Variants in AMBRA1 observed in about 807,000 individuals in gnomAD.
AMBRA1 encodes the protein activating molecule in BECN1-regulated autophagy protein 1.
Under a neutral mutation model 125.4 loss-of-function variants are expected in AMBRA1, and 47 were observed. That is an observed-to-expected ratio of 0.37 (90% CI 0.30 to 0.48). The LOEUF (loss-of-function observed/expected upper bound fraction) is 0.48, where lower values mean the gene tolerates loss of function less well. AMBRA1 is among the 20% of genes least tolerant of loss of function. The pLI is 0.99. For synonymous variants in AMBRA1, 626 were observed against 655.5 expected, an observed-to-expected ratio of 0.95 and a Z score of 0.69; for missense variants, 1,331 against 1,693.4, an observed-to-expected ratio of 0.79 and a Z score of 3.76.
At chr11:46,408,981 CCT>C (rs1243453455) in intron 16 of AMBRA1, among the ~76,000 whole-genome samples, 15 of 152,234 alleles carry the variant, frequency 9.9e-5, no homozygotes, top group Non-Finnish European at 2.9e-5. Context: ...ACAACAGGCC[CCT>C]GTCGGGGAGT....
chr11:46,503,533 C>T (rs903134276), intron 9 of AMBRA1, among the ~76,000 whole-genome samples: 3 of 152,182 alleles, frequency 2.0e-5, no homozygotes, highest in Admixed American at 1.3e-4. Context: ...TGAGCACATG[C>T]TGTTGGAAAA....
chr11:46,570,261 CAAAAAAAA>C (rs200875374), intron 1 of AMBRA1, among the ~76,000 whole-genome samples: 1 of 14,260 alleles, frequency 7.0e-5, no homozygotes, highest in African/African-American at 2.9e-4. Context: ...GACCATGTCT[CAAAAAAAA>C]AAAAAAAAAA....
intron 9 of AMBRA1, among the ~76,000 whole-genome samples, chr11:46,502,340 G>C (rs1437106483): frequency 6.6e-6 from 1 of 152,152 alleles, no homozygotes; most frequent in Non-Finnish European, 1.5e-5. Flanking sequence ...AACCTATAAA[G>C]AGAGTAACTT....
chr11:46,434,842 C>T lies in AMBRA1; in HGVS notation c.2821+7G>A. The T allele has an allele frequency of 6.3e-7, 1 of 1,588,326 alleles. No homozygotes were observed. Among genetic ancestry groups the T allele is most frequent in the Non-Finnish European group, 8.6e-7 (1 of 1,167,694 alleles). Reference sequence around the variant, plus strand: ...TCTGTCATTAGGTTGGGCTTCCTATCCCTTACCAAATCGCTTGGTGTAGAG... The same window carrying T: ...TCTGTCATTAGGTTGGGCTTCCTATTCCTTACCAAATCGCTTGGTGTAGAG... On this transcript the variant is annotated splice_region_variant and intron_variant, in intron 13 of 17. Coordinates refer to ENST00000683756, the MANE Select transcript of AMBRA1 (RefSeq NM_001387011.1).
intron 1 of AMBRA1, among the ~76,000 whole-genome samples, chr11:46,588,605 G>T (rs140927539): frequency 6.6e-6 from 1 of 150,718 alleles, no homozygotes; most frequent in Non-Finnish European, 1.5e-5. Context: ...GTGAAAACCC[G>T]TCTCTACTAA....
chr11:46,535,634 G>C (rs1373231132), intron 7 of AMBRA1, among the ~76,000 whole-genome samples: 2 of 151,952 alleles, frequency 1.3e-5, no homozygotes, highest in East Asian at 3.9e-4. Flanking sequence ...TCTTTAAGGA[G>C]AAAAAAAATA....
intron 5 of AMBRA1, among the ~76,000 whole-genome samples, chr11:46,545,002 C>T (rs1952932626): frequency 1.3e-5 from 2 of 151,950 alleles, no homozygotes; most frequent in African/African-American, 4.8e-5. Flanking sequence ...CTGCACACAC[C>T]TGTAGTCCCA....
chr11:46,499,613 G>C (rs560174210), intron 9 of AMBRA1, among the ~76,000 whole-genome samples: 101 of 152,194 alleles, frequency 6.6e-4, no homozygotes, highest in African/African-American at 2.3e-3. Context: ...ACTTTTCTGA[G>C]ACTTTTCATT....
At chr11:46,478,648 C>CCT (rs1949924770) in intron 11 of AMBRA1, among the ~76,000 whole-genome samples, 1 of 82,156 alleles carries the variant, frequency 1.2e-5, no homozygotes, top group East Asian at 3.8e-4. Flanking sequence ...TCTTTTTTCT[C>CCT]TTTTTTTTTT....
chr11:46,416,702 T>A (rs1946561739), intron 15 of AMBRA1, among the ~76,000 whole-genome samples: 1 of 152,214 alleles, frequency 6.6e-6, no homozygotes, highest in Admixed American at 6.5e-5. Flanking sequence ...CACCACACTC[T>A]GTGATCTGCA....
rs1484534128 is a variant in AMBRA1 at position 46,506,954 on chromosome 11, A to G, written c.2339+1237T>C. Among the ~76,000 whole-genome samples the G allele has an allele frequency of 2.6e-5, 4 of 151,454 alleles. No homozygotes were observed. In the East Asian group the frequency reaches 7.8e-4, roughly 29 times the overall value. ...GCCAAGGCAGGCGGATCACAAGGTC[A>G]AGAGATGGAGACCATCCTGGCTAAC... On this transcript the variant is annotated intron_variant, in intron 9 of 17. Coordinates refer to ENST00000683756, the MANE Select transcript of AMBRA1 (RefSeq NM_001387011.1).
chr11:46,418,215 CTATTT>C (rs1420291585), intron 14 of AMBRA1, among the ~76,000 whole-genome samples, 163 bp from the exon 15 acceptor site: 2 of 142,304 alleles, frequency 1.4e-5, no homozygotes, highest in South Asian at 2.2e-4. Context: ...ATCTATCTAT[CTATTT>C]TATTATTTAT....
At chr11:46,516,748 C>G (rs962612893) in intron 7 of AMBRA1, among the ~76,000 whole-genome samples, 41 of 151,826 alleles carry the variant, frequency 2.7e-4, no homozygotes, top group African/African-American at 9.4e-4. Flanking sequence ...ATCTTTCTTT[C>G]CCAGTGTTAG....
At position 46,408,622 on chromosome 11, in the gene AMBRA1, T is replaced by C. The variant is rs779794287; in HGVS notation, c.3294A>G (p.Ser1098=). 6.2e-7 allele frequency: 1 copy of C among 1,609,510 alleles called. No individual in the cohort carries two copies. The highest frequency in any genetic ancestry group is 1.1e-5 in the South Asian group (1 of 90,708). ...GAGTCTGGGTGCCCTGAGATGTCAC[T>C]GAGGTGGCAGGGTTCCGGGGCTGAA... The part of the protein sequence containing the change: ...IGLQPRNPAT[S]VTSQGTQTLA... The change falls in exon 17 of 18, where the codon TCA becomes TCG. Residue 1098 remains serine, a synonymous_variant. Coordinates refer to ENST00000683756, the MANE Select transcript of AMBRA1 (RefSeq NM_001387011.1).
chr11:46,590,390 C>T (rs1399750574), intron 1 of AMBRA1, among the ~76,000 whole-genome samples: 1 of 151,634 alleles, frequency 6.6e-6, no homozygotes, highest in Non-Finnish European at 1.5e-5. Flanking sequence ...ACCTGTAGTT[C>T]CAGCTATTGG....
rs532187601 is a variant in AMBRA1 at position 46,428,168 on chromosome 11, AG to A, written c.2976+5305del. ...ACCAGCAAAACTCTTAGGTCAAGAA[AG>A]GAAGAAAGAAGAAGGGGAATGGGGA... is the stretch of plus-strand genomic sequence containing the variant. On this transcript the variant is annotated intron_variant, in intron 14 of 17. Transcript: ENST00000683756. Among the ~76,000 whole-genome samples the A allele has an allele frequency of 6.6e-5, 10 of 152,246 alleles. No individual in the cohort carries two copies. The South Asian group carries it at 1.2e-3, about 19-fold the overall frequency.
chr11:46,519,119 GCTT>G (rs1179104655), intron 7 of AMBRA1, among the ~76,000 whole-genome samples: 1 of 152,200 alleles, frequency 6.6e-6, no homozygotes, highest in Non-Finnish European at 1.5e-5. Context: ...TGCTTCCTGT[GCTT>G]AAGCAATTCT....
At chr11:46,568,803 CTTTT>C (rs774631588) in intron 1 of AMBRA1, among the ~76,000 whole-genome samples, 1 of 96,464 alleles carries the variant, frequency 1.0e-5, no homozygotes, top group Non-Finnish European at 2.0e-5. Flanking sequence ...TCAACCCTAC[CTTTT>C]TTTTTTTTTT....
chr11:46,419,758 T>TA (rs922189075), intron 14 of AMBRA1, among the ~76,000 whole-genome samples: 1 of 152,082 alleles, frequency 6.6e-6, no homozygotes, highest in Non-Finnish European at 1.5e-5. Flanking sequence ...AAAATGAACT[T>TA]AGAGTGGTAC....
Sources: allele counts gnomAD v4.1 joint callset (sites outside exome capture counted in the v4.1 genomes callset), GRCh38; gene constraint gnomAD v4.1.1; transcripts MANE v1.5; gene names NCBI Gene and HGNC (gene_info 2026-07-23, HGNC 2026-07-21).